CUX2: variants seen among roughly 807,000 people sequenced by gnomAD.
CUX2 encodes homeobox protein cut-like 2.
A neutral mutation model predicts 144.8 loss-of-function variants in CUX2; 40 were observed. The observed-to-expected ratio is 0.28, with a 90% confidence interval of 0.21 to 0.36. The LOEUF (loss-of-function observed/expected upper bound fraction) is 0.36, where lower values mean the gene tolerates loss of function less well. Ranked by LOEUF, CUX2 falls within the 10% of genes least tolerant of loss-of-function variation. The pLI is 1.00. For missense variants in CUX2, 1,615 were observed against 1,994.0 expected (o/e 0.81, Z 3.62); for synonymous variants, 827 against 875.6 (o/e 0.94, Z 0.98).
chr12:111,063,681 G>A (rs956808497), intron 1 of CUX2, among the ~76,000 whole-genome samples: 1 of 152,246 alleles, frequency 6.6e-6, no homozygotes, highest in Admixed American at 6.5e-5. Flanking sequence ...AATTCCCAGA[G>A]GAAGGGAGGT....
In CUX2 at chr12:111,310,215, T is replaced by G; in HGVS notation, c.1433T>G (p.Leu478Arg). The G allele has an allele frequency of 6.6e-7, 1 of 1,514,940 alleles. No individual in the cohort carries two copies. 93.8% of individuals were successfully genotyped at this position (1,514,940 alleles called of 1,614,324 possible). A position where few individuals can be genotyped will look rare whatever the true frequency, so the allele number is the denominator to read the frequency against. ...LGPDGTRTFS[L>R]SPFPSLASGE... ...CCTGACGGCACTCGGACTTTCTCGC[T>G]GTCCCCCTTCCCCAGCCTGGCATCA... The change falls in exon 15 of 22, where the codon CTG becomes CGG. Residue 478 changes from leucine (L) to arginine (R), a missense_variant. Coordinates refer to ENST00000261726, the MANE Select transcript of CUX2 (RefSeq NM_015267.4). This position sits in a 1 kb window ranked among gnomAD's most constrained non-coding sequence, Gnocchi z 7.9.
At position 111,077,095 on chromosome 12, in the gene CUX2, CCTAA is replaced by C. The variant is rs367553279; in HGVS notation, c.63+42858_63+42861del. ...ATTTGAACTGATTGTATTGCCTGTTCCTAACTGTTTGCAGAATACATCTCTGCCC... is the reference window on the plus strand; with the variant it reads ...ATTTGAACTGATTGTATTGCCTGTTCCTGTTTGCAGAATACATCTCTGCCC... On this transcript the variant is annotated intron_variant, in intron 1 of 21. Transcript: ENST00000261726. This position sits in a 1 kb window ranked among gnomAD's most constrained non-coding sequence, Gnocchi z 4.1. Among the ~76,000 whole-genome samples the C allele has an allele frequency of 2.5e-4, 38 of 152,292 alleles. No homozygotes were observed. The highest frequency in any genetic ancestry group is 3.4e-3 in the Middle Eastern group (1 of 294).
At chr12:111,070,031 C>T (rs1229011769) in intron 1 of CUX2, among the ~76,000 whole-genome samples, 1 of 152,142 alleles carries the variant, frequency 6.6e-6, no homozygotes, top group Non-Finnish European at 1.5e-5. Flanking sequence ...GGGATGCCGG[C>T]CTGGGAGCTC....
intron 1 of CUX2, among the ~76,000 whole-genome samples, chr12:111,193,439 G>A (rs1880024368): frequency 6.6e-6 from 1 of 152,238 alleles, no homozygotes; most frequent in African/African-American, 2.4e-5. Flanking sequence ...ATTAGCAGCT[G>A]ATCAATTATC....
intron 3 of CUX2, among the ~76,000 whole-genome samples, chr12:111,227,902 T>C (rs1807107075): frequency 6.6e-6 from 1 of 152,192 alleles, no homozygotes; most frequent in Admixed American, 6.5e-5. Flanking sequence ...TGGCCCCAGA[T>C]ACCTTTCCTG....
chr12:111,074,464 TG>T (rs1871411364), intron 1 of CUX2, among the ~76,000 whole-genome samples: 1 of 152,068 alleles, frequency 6.6e-6, no homozygotes, highest in African/African-American at 2.4e-5. Flanking sequence ...GTTCCCTGCC[TG>T]ATCAGCTGGG....
chr12:111,212,389 C>T (rs944688605), intron 1 of CUX2, among the ~76,000 whole-genome samples: 2 of 152,104 alleles, frequency 1.3e-5, no homozygotes, highest in South Asian at 2.1e-4. Flanking sequence ...CACCTGTTTC[C>T]GCTCCCCCAC....
intron 1 of CUX2, among the ~76,000 whole-genome samples, chr12:111,207,924 C>T (rs1329039337): frequency 6.6e-6 from 1 of 152,062 alleles, no homozygotes; most frequent in African/African-American, 2.4e-5. Flanking sequence ...ACCACAAAGA[C>T]AGAATGAGTT....
At chr12:111,146,517 T>C (rs1876682154) in intron 1 of CUX2, among the ~76,000 whole-genome samples, 1 of 152,128 alleles carries the variant, frequency 6.6e-6, no homozygotes, top group Non-Finnish European at 1.5e-5. Context: ...TGAGAACAGA[T>C]GACAGTGGGG....
intron 1 of CUX2, among the ~76,000 whole-genome samples, chr12:111,087,158 C>A (rs973401709): frequency 6.6e-6 from 1 of 151,866 alleles, no homozygotes; most frequent in African/African-American, 2.4e-5. Context: ...GAGTTCATGA[C>A]CAGCCTGGCC....
At chr12:111,308,145 C>A in intron 12 of CUX2, 140 bp from the exon 13 acceptor site, 2 of 934,972 alleles carry the variant, frequency 2.1e-6, no homozygotes, top group Non-Finnish European at 3.3e-6. Flanking sequence ...CCTGGGGTTG[C>A]AATGACTCTG....
chr12:111,344,540 G>A (rs1888713685), intron 21 of CUX2, among the ~76,000 whole-genome samples: 1 of 152,192 alleles, frequency 6.6e-6, no homozygotes, highest in South Asian at 2.1e-4. Flanking sequence ...TGTTTACTGA[G>A]CATCTACTCT....
At chr12:111,123,431 A>G (rs1045232171) in intron 1 of CUX2, among the ~76,000 whole-genome samples, 4 of 151,726 alleles carry the variant, frequency 2.6e-5, no homozygotes, top group African/African-American at 9.7e-5. Context: ...CAATCCACCA[A>G]TCTCGGCCTC....
chr12:111,209,529 T>A (rs1881094634), intron 1 of CUX2, among the ~76,000 whole-genome samples: 1 of 152,224 alleles, frequency 6.6e-6, no homozygotes, highest in Non-Finnish European at 1.5e-5. Context: ...TATATCAATA[T>A]GACAAAATTC....
chr12:111,127,771 C>T (rs1051444476), intron 1 of CUX2, among the ~76,000 whole-genome samples: 7 of 152,184 alleles, frequency 4.6e-5, no homozygotes, highest in African/African-American at 1.7e-4. Context: ...CTCACAGTTC[C>T]ACATGGCTGG....
In CUX2 at chr12:111,307,224, A is replaced by T; in HGVS notation, c.1076A>T (p.Gln359Leu). 1 of 1,614,206 alleles carries T rather than the reference A, an allele frequency of 6.2e-7. No individual in the cohort carries two copies. Among genetic ancestry groups the T allele is most frequent in the Non-Finnish European group, 8.5e-7 (1 of 1,180,026 alleles). ...AAGCTGGAAGAGAAGCTCCAGGCCC[A>T]GTCTGACTATGAGGAAATTAAAACG... ...IEKLEEKLQAQSDYEEIKTEL... is the reference protein window; with the variant it reads ...IEKLEEKLQALSDYEEIKTEL... Residue 359 changes from glutamine (Q) to leucine (L), a missense_variant, in exon 12 of 22, where the codon CAG (glutamine) becomes CTG (leucine). Physicochemically the swap from Gln to Leu is moderately radical, Grantham distance 113. Coordinates refer to ENST00000261726, the MANE Select transcript of CUX2 (RefSeq NM_015267.4). The surrounding 1 kb of genome is among the most constrained non-coding windows in gnomAD (Gnocchi z 4.1).
chr12:111,068,635 A>G lies in CUX2; in HGVS notation c.63+34395A>G, dbSNP rs1871118942. On this transcript the variant is annotated intron_variant, in intron 1 of 21. Coordinates refer to ENST00000261726, the MANE Select transcript of CUX2 (RefSeq NM_015267.4). The surrounding 1 kb of genome is among the most constrained non-coding windows in gnomAD (Gnocchi z 4.9). The stretch of plus-strand genomic sequence containing the variant: ...TCCTGTGTTCCCGGCAGGGCCCTGC[A>G]GCAGTGCCTTTGTAGCTCACCTGCT... Among the ~76,000 whole-genome samples, 1 of 152,206 alleles carries G rather than the reference A, an allele frequency of 6.6e-6. No homozygotes were observed. Among genetic ancestry groups the G allele is most frequent in the African/African-American group, 2.4e-5 (1 of 41,452 alleles).
At chr12:111,091,614 T>C (rs943233523) in intron 1 of CUX2, among the ~76,000 whole-genome samples, 7 of 152,188 alleles carry the variant, frequency 4.6e-5, no homozygotes, top group Admixed American at 2.6e-4. Context: ...CTGTGTTCCT[T>C]TCTGAGGACA....
Position 111,039,854 on chromosome 12 carries a change from G to C in CUX2, c.63+5614G>C, listed in dbSNP as rs181275561. On this transcript the variant is annotated intron_variant, in intron 1 of 21. Coordinates refer to ENST00000261726, the MANE Select transcript of CUX2 (RefSeq NM_015267.4). The surrounding 1 kb of genome is among the most constrained non-coding windows in gnomAD (Gnocchi z 4.2). ...CTCCCCTTCTTTCTCCATCATGGTC[G>C]TGGTGGTGGGGCTATTGACCTTTTA... is the stretch of plus-strand genomic sequence containing the variant. 1.3e-5 allele frequency among the ~76,000 whole-genome samples: 2 copies of C among 152,106 alleles called. No individual in the cohort carries two copies. Among genetic ancestry groups the C allele is most frequent in the African/African-American group, 4.8e-5 (2 of 41,414 alleles).
Sources: allele counts gnomAD v4.1 joint callset (sites outside exome capture counted in the v4.1 genomes callset), GRCh38; gene constraint gnomAD v4.1.1; non-coding constraint Gnocchi (gnomAD v3.1); transcripts MANE v1.5; gene names NCBI Gene and HGNC (gene_info 2026-07-23, HGNC 2026-07-21).